Variants in PKHD1L1 observed in about 807,000 individuals in gnomAD.
PKHD1L1 encodes the protein PKHD1 like 1.
PKHD1L1 carries 434 observed loss-of-function variants against 462.9 expected under a neutral mutation model. That is an observed-to-expected ratio of 0.94 (90% CI 0.87 to 1.02). The LOEUF (loss-of-function observed/expected upper bound fraction) is 1.02. PKHD1L1 is among the 50% of genes least tolerant of loss of function. The pLI is 0.00. For missense variants in PKHD1L1, 5,202 were observed against 5,096.1 expected, an observed-to-expected ratio of 1.02 and a Z score of -0.63; for synonymous variants, 1,781 against 1,750.0, an observed-to-expected ratio of 1.02 and a Z score of -0.44.
intron 14 of PKHD1L1, among the ~76,000 whole-genome samples, chr8:109,402,810 G>T (rs1813340123): frequency 6.6e-6 from 1 of 152,072 alleles, no homozygotes; most frequent in Admixed American, 6.6e-5. Flanking sequence ...AGGAGGGTTG[G>T]GATCAATGGA....
intron 76 of PKHD1L1, among the ~76,000 whole-genome samples, chr8:109,524,302 C>T (rs182849364): frequency 6.6e-6 from 1 of 152,072 alleles, no homozygotes; most frequent in Non-Finnish European, 1.5e-5. Context: ...TTGATAGTGC[C>T]CTAAGCCAGA....
rs1814342805 is a variant in PKHD1L1, at chr8:109,419,243, C to T, written c.2507C>T (p.Thr836Ile). The change falls in exon 22 of 78, where the codon ACA becomes ATA. Residue 836 changes from threonine to isoleucine, a missense_variant. This residue lies in a region of PKHD1L1 where 4,497 missense variants were observed against 4,336.8 expected (regional missense o/e 1.04). Coordinates refer to ENST00000378402, the MANE Select transcript of PKHD1L1 (RefSeq NM_177531.6). ...GTAGTGTACATTGGACACACATCTA[C>T]AATCTCAACATTGGATGGTATGTTG... ...VDVVYIGHTS[T>I]ISTLDEMPKR... The T allele has an allele frequency of 1.2e-6, 2 of 1,604,770 alleles. No homozygotes were observed. The highest frequency in any genetic ancestry group is 1.1e-5 in the South Asian group (1 of 89,700).
intron 76 of PKHD1L1, among the ~76,000 whole-genome samples, chr8:109,524,273 A>G (rs993117746): frequency 1.3e-5 from 2 of 151,996 alleles, no homozygotes; most frequent in Non-Finnish European, 2.9e-5. Flanking sequence ...TTTTCCCTGA[A>G]TTTTTGTTTC....
At position 109,481,508 on chromosome 8, in the gene PKHD1L1, A is replaced by G. The variant is rs779529731; in HGVS notation, c.9403A>G (p.Thr3135Ala). ...AAAGATTGTTCTTAGAGGAAATCAT[A>G]CTACACAAGACTGGGCTCTTCCAGA... ...DLKIVLRGNH[T>A]TQDWALPEGP... The change falls in exon 56 of 78, where the codon ACT (threonine) becomes GCT (alanine). Residue 3135 changes from threonine (T) to alanine (A), a missense_variant. Thr to Ala is a moderately conservative substitution (Grantham distance 58). Coordinates refer to ENST00000378402, the MANE Select transcript of PKHD1L1 (RefSeq NM_177531.6). The G allele has an allele frequency of 9.3e-5, 149 of 1,595,820 alleles. 1 individual carries two copies. Among genetic ancestry groups the G allele is most frequent in the Non-Finnish European group, 1.2e-4 (140 of 1,170,144 alleles).
In PKHD1L1 at chr8:109,400,274, A is replaced by G; in HGVS notation, c.1211A>G (p.Tyr404Cys). The G allele has an allele frequency of 1.9e-6, 3 of 1,613,614 alleles. No individual in the cohort carries two copies. The highest frequency in any genetic ancestry group is 1.1e-5 in the South Asian group (1 of 91,082). Residue 404 changes from tyrosine to cysteine, a missense_variant, in exon 13 of 78, where the codon TAT becomes TGT. By Grantham distance (194) the Tyr-to-Cys change is radical. Around this residue, in one of 3 missense-constraint regions of PKHD1L1, gnomAD observed 4,497 missense variants for 4,336.8 expected, o/e 1.04. Transcript: ENST00000378402. ...TTGGTGGCTCCAGATTCTGATGTTTATAGATTCTACATCAAGGGTGATGAC... is the reference window on the plus strand; with the variant it reads ...TTGGTGGCTCCAGATTCTGATGTTTGTAGATTCTACATCAAGGGTGATGAC... ...GFLVAPDSDV[Y>C]RFYIKGDDRY...
In PKHD1L1 at chr8:109,429,353, A is replaced by G. The variant is rs73307391; in HGVS notation, c.3014A>G (p.Asn1005Ser). 11,454 of 1,522,592 alleles carry G rather than the reference A, an allele frequency of 7.5e-3. 766 individuals carry two copies. The African/African-American group carries it at 0.14, about 19-fold the overall frequency. The allele number at this position is 1,522,592 out of a possible 1,614,324, so 94.3% of individuals were successfully genotyped here. A position where few individuals can be genotyped will look rare whatever the true frequency, so the allele number is the denominator to read the frequency against. ...GTGTAAAAATAGATTAATGATTCCA[A>G]CATTATTGGAGAAAAGGCTAATATG... ...KQNLLQINDS[N>S]IIGEKANMTV... The change falls in exon 26 of 78, where the codon AAC (asparagine) becomes AGC (serine). Residue 1005 changes from asparagine (N) to serine (S), a missense_variant. Asn to Ser is a conservative substitution (Grantham distance 46). This residue lies in a region of PKHD1L1 where 4,497 missense variants were observed against 4,336.8 expected (regional missense o/e 1.04). Transcript: ENST00000378402.
At position 109,496,911 on chromosome 8, in the gene PKHD1L1, C is replaced by T; in HGVS notation, c.10328-8C>T. ...TGTTCATTCTCTGGTTCTATATTTC[C>T]CTCCAAGGCCAGTTTAATCCTGTGG... On this transcript the variant is annotated splice_region_variant and splice_polypyrimidine_tract_variant and intron_variant, in intron 63 of 77. Coordinates refer to ENST00000378402, the MANE Select transcript of PKHD1L1 (RefSeq NM_177531.6). 1.2e-6 allele frequency: 2 copies of T among 1,604,166 alleles called. No homozygotes were observed. The highest frequency in any genetic ancestry group is 2.2e-5 in the East Asian group (1 of 44,714).
intron 14 of PKHD1L1, among the ~76,000 whole-genome samples, chr8:109,402,574 G>T (rs1461993215): frequency 6.6e-6 from 1 of 152,096 alleles, no homozygotes; most frequent in Non-Finnish European, 1.5e-5. Flanking sequence ...CAGTAAAGAG[G>T]GGAGTCCTAA....
At chr8:109,376,133 C>T (rs1405067689) in intron 2 of PKHD1L1, among the ~76,000 whole-genome samples, 2 of 152,226 alleles carry the variant, frequency 1.3e-5, no homozygotes, top group African/African-American at 4.8e-5. Context: ...CCTCCTTGAG[C>T]TGTGGTGGGC....
intron 22 of PKHD1L1, 44 bp from the exon 23 acceptor site, chr8:109,420,474 A>G: frequency 2.3e-6 from 3 of 1,300,856 alleles, no homozygotes; most frequent in Non-Finnish European, 3.0e-6. Context: ...CAAAAACCAC[A>G]GTTACTTTTA....
chr8:109,394,513 C>G, intron 10 of PKHD1L1, 28 bp downstream of exon 10: 1 of 1,400,922 alleles, frequency 7.1e-7, no homozygotes, highest in South Asian at 1.5e-5. Context: ...CACTCTGTTG[C>G]GGGGGTGGTG....
chr8:109,518,755 A>G (rs748071068), intron 73 of PKHD1L1, among the ~76,000 whole-genome samples: 2 of 152,184 alleles, frequency 1.3e-5, no homozygotes, highest in African/African-American at 2.4e-5. Flanking sequence ...AAAGAATTTG[A>G]TCTAATATAA....
At chr8:109,435,790 G>T (rs1456839877) in intron 29 of PKHD1L1, among the ~76,000 whole-genome samples, 4 of 152,150 alleles carry the variant, frequency 2.6e-5, no homozygotes, top group Admixed American at 2.0e-4. Flanking sequence ...TTCCTGTCCT[G>T]CTTCATTTCC....
In PKHD1L1 at chr8:109,533,796, A is replaced by G. The variant is rs72669127; in HGVS notation, c.*3706A>G. ...ACAGAAAAATCTTGACAAAAAAAAA[A>G]TTCCAGTGGATTGAATTAAAACTTT... On this transcript the variant is annotated 3_prime_UTR_variant, in exon 78 of 78. Transcript: ENST00000378402. Among the ~76,000 whole-genome samples, 22,597 of 152,134 alleles carry G rather than the reference A, an allele frequency of 0.15. 2,226 individuals carry two copies. Among genetic ancestry groups the G allele is most frequent in the South Asian group, 0.37 (1,775 of 4,820 alleles).
Position 109,451,282 on chromosome 8 carries a change from A to G in PKHD1L1, c.6350+133A>G, listed in dbSNP as rs965462240. ...ACCTATATGCTCGTAACTTAAGCTTAAGGCAAAAATAGTACTAATTGCTAA... is the reference window on the plus strand; with the variant it reads ...ACCTATATGCTCGTAACTTAAGCTTGAGGCAAAAATAGTACTAATTGCTAA... On this transcript the variant is annotated intron_variant, in intron 41 of 77. Coordinates refer to ENST00000378402, the MANE Select transcript of PKHD1L1 (RefSeq NM_177531.6). 3.1e-6 allele frequency: 3 copies of G among 977,836 alleles called. No individual in the cohort carries two copies. The African/African-American group carries it at 4.9e-5, about 16-fold the overall frequency. 60.6% of individuals were successfully genotyped at this position (977,836 alleles called of 1,614,324 possible). A position where few individuals can be genotyped will look rare whatever the true frequency, so the allele number is the denominator to read the frequency against.
intron 2 of PKHD1L1, among the ~76,000 whole-genome samples, chr8:109,372,451 CA>C (rs1363081571): frequency 6.6e-6 from 1 of 152,190 alleles, no homozygotes; most frequent in African/African-American, 2.4e-5. Flanking sequence ...CATCTGCAAA[CA>C]GGGACAATTT....
At chr8:109,401,667 A>T in intron 14 of PKHD1L1, 79 bp downstream of exon 14, 1 of 697,138 alleles carries the variant, frequency 1.4e-6, no homozygotes, top group Non-Finnish European at 2.3e-6. Context: ...TTTTCAATTT[A>T]TTTTTATTGG....
intron 29 of PKHD1L1, 136 bp downstream of exon 29, chr8:109,435,490 G>A (rs557367709): frequency 4.3e-6 from 4 of 939,968 alleles, no homozygotes; most frequent in South Asian, 4.7e-5. Context: ...CCTTCGAGAA[G>A]GTACAGTGAT....
At chr8:109,443,166 A>G (rs181871651) in intron 36 of PKHD1L1, 50 bp downstream of exon 36, 1 of 1,559,678 alleles carries the variant, frequency 6.4e-7, no homozygotes, top group East Asian at 2.3e-5. Flanking sequence ...CCCAGGGTGT[A>G]TGTGATATTT....
Sources: gnomAD v4.1 joint callset for allele counts (sites outside exome capture counted in the v4.1 genomes callset) on GRCh38, gnomAD v4.1.1 for gene constraint, gnomAD v4.1.1 regional missense constraint, MANE v1.5 for transcripts, NCBI Gene and HGNC (gene_info 2026-07-23, HGNC 2026-07-21) for gene names.